The following RARB variants were observed in gnomAD, a reference collection of about 807,000 sequenced individuals.
RARB encodes retinoic acid receptor beta.
A neutral mutation model predicts 51.9 loss-of-function variants in RARB; 17 were observed. The ratio of observed to expected loss-of-function variants is 0.33; its 90% CI spans 0.22 to 0.49. The LOEUF is 0.49. RARB is among the 20% of genes least tolerant of loss of function. RARB has a pLI of 0.99. For missense variants in RARB, 369 were observed against 550.8 expected, an observed-to-expected ratio of 0.67 and a Z score of 3.30; for synonymous variants, 215 against 195.4, an observed-to-expected ratio of 1.10 and a Z score of -0.84.
At chr3:25,506,580 C>T (rs898578616) in intron 3 of RARB, among the ~76,000 whole-genome samples, 3 of 152,216 alleles carry the variant, frequency 2.0e-5, no homozygotes, top group South Asian at 4.2e-4. Context: ...CATGCCACTT[C>T]ACTCCAGCCT....
In RARB at chr3:25,442,434, A is replaced by T. The variant is rs117064105; in HGVS notation, c.157+13546A>T. Among the ~76,000 whole-genome samples the T allele has an allele frequency of 8.0e-3, 1,222 of 152,114 alleles. 34 individuals carry two copies. The East Asian group carries it at 0.094, about 12-fold the overall frequency. Reference sequence around the variant, plus strand: ...CAGGCGTGAGCCACCACACCTGGCCAATTTTATTTTATTTTAATTAATTTA... The same window carrying T: ...CAGGCGTGAGCCACCACACCTGGCCTATTTTATTTTATTTTAATTAATTTA... On this transcript the variant is annotated intron_variant, in intron 1 of 7. Transcript: ENST00000330688.
chr3:25,205,433 T>G (rs754524016), intron 5 of RARB, among the ~76,000 whole-genome samples: 1 of 152,150 alleles, frequency 6.6e-6, no homozygotes, highest in Non-Finnish European at 1.5e-5. Context: ...TCCACTGTCC[T>G]GCACCCACTG....
chr3:25,150,489 A>G (rs1025959844), intron 4 of RARB, among the ~76,000 whole-genome samples: 24 of 152,194 alleles, frequency 1.6e-4, no homozygotes, highest in African/African-American at 5.8e-4. Flanking sequence ...GTTCATGTAT[A>G]GACTTCTAAA....
At chr3:24,837,231 G>A (rs2125328579) in intron 1 of RARB, among the ~76,000 whole-genome samples, 1 of 152,230 alleles carries the variant, frequency 6.6e-6, no homozygotes, top group South Asian at 2.1e-4. Flanking sequence ...TGAATAATGT[G>A]GTCATCTGCA....
intron 5 of RARB, among the ~76,000 whole-genome samples, chr3:25,249,090 T>C (rs1702640424): frequency 1.3e-5 from 2 of 152,126 alleles, no homozygotes; most frequent in Non-Finnish European, 2.9e-5. Flanking sequence ...GGTCACTTTA[T>C]GGCATCCTAT....
intron 2 of RARB, among the ~76,000 whole-genome samples, chr3:25,461,710 A>C (rs1219703452): frequency 6.6e-6 from 1 of 152,142 alleles, no homozygotes; most frequent in Non-Finnish European, 1.5e-5. Context: ...CCTGACCAAC[A>C]TGGCAAAACC....
At position 25,591,803 on chromosome 3, in the gene RARB, C is replaced by G. The variant is rs553137046; in HGVS notation, c.787-1700C>G. On this transcript the variant is annotated intron_variant, in intron 5 of 7. Coordinates refer to ENST00000330688, the MANE Select transcript of RARB (RefSeq NM_000965.5). ...TATACAACAGAGGCGCTGCTGCACC[C>G]TCACTCTATAGGATGTCCTGGTGCC... Among the ~76,000 whole-genome samples the G allele has an allele frequency of 1.6e-4, 24 of 152,328 alleles. No homozygotes were observed. The South Asian group carries it at 5.0e-3, about 32-fold the overall frequency.
chr3:25,372,994 A>G (rs924834825), intron 5 of RARB, among the ~76,000 whole-genome samples: 1 of 152,108 alleles, frequency 6.6e-6, no homozygotes, highest in Admixed American at 6.6e-5. Context: ...CAATTTGGTG[A>G]TTAGGAGTGT....
At chr3:25,013,380 G>A (rs573843155) in intron 2 of RARB, among the ~76,000 whole-genome samples, 3 of 152,164 alleles carry the variant, frequency 2.0e-5, no homozygotes, top group South Asian at 4.1e-4. Flanking sequence ...TAGATACCTA[G>A]AAATGTACTT....
intron 3 of RARB, among the ~76,000 whole-genome samples, chr3:25,546,436 G>A (rs960144079): frequency 4.6e-5 from 7 of 152,128 alleles, no homozygotes; most frequent in Non-Finnish European, 1.5e-5. Flanking sequence ...GCCCTGGAGA[G>A]CAGGGAGCGA....
chr3:25,533,779 T>C (rs1699022215), intron 3 of RARB, among the ~76,000 whole-genome samples: 1 of 152,212 alleles, frequency 6.6e-6, no homozygotes, highest in Non-Finnish European at 1.5e-5. Flanking sequence ...GCAGGGACTA[T>C]CTGTATAAAT....
At chr3:25,303,259 G>A (rs1195169144) in intron 5 of RARB, among the ~76,000 whole-genome samples, 1 of 152,168 alleles carries the variant, frequency 6.6e-6, no homozygotes, top group African/African-American at 2.4e-5. Context: ...GACCCAAGAA[G>A]CAAAGAAAAT....
chr3:25,123,984 G>A (rs139537305), intron 3 of RARB, among the ~76,000 whole-genome samples: 1 of 152,276 alleles, frequency 6.6e-6, no homozygotes, highest in East Asian at 1.9e-4. Flanking sequence ...GGAATACTCA[G>A]ATACACCCCT....
intron 5 of RARB, among the ~76,000 whole-genome samples, chr3:25,325,547 C>T (rs904050690): frequency 3.3e-5 from 5 of 150,292 alleles, no homozygotes; most frequent in African/African-American, 1.2e-4. Context: ...AAATACCCCC[C>T]AGGCACTTCA....
chr3:25,320,460 C>G (rs1205921788), intron 5 of RARB, among the ~76,000 whole-genome samples: 2 of 152,272 alleles, frequency 1.3e-5, no homozygotes, highest in East Asian at 3.9e-4. Context: ...CCAGGACATA[C>G]AACCGAAAGT....
intron 1 of RARB, among the ~76,000 whole-genome samples, chr3:25,448,329 A>G (rs1161067879): frequency 6.6e-6 from 1 of 152,214 alleles, no homozygotes; most frequent in East Asian, 1.9e-4. Flanking sequence ...ACATTTTTAA[A>G]AAAGAAATAA....
chr3:25,240,526 A>T (rs1228993727), intron 5 of RARB, among the ~76,000 whole-genome samples: 1 of 151,938 alleles, frequency 6.6e-6, no homozygotes, highest in Non-Finnish European at 1.5e-5. Context: ...GTTTGTTGAT[A>T]GTTTTTTATC....
intron 2 of RARB, among the ~76,000 whole-genome samples, chr3:25,473,108 C>G (rs1695778406): frequency 6.6e-6 from 1 of 152,178 alleles, no homozygotes; most frequent in Non-Finnish European, 1.5e-5. Context: ...CTCTCATTGT[C>G]TTCTTGTCAC....
At chr3:25,325,788 T>C (rs1355279398) in intron 5 of RARB, among the ~76,000 whole-genome samples, 1 of 145,858 alleles carries the variant, frequency 6.9e-6, no homozygotes, top group Non-Finnish European at 1.5e-5. Flanking sequence ...AGTTTGGGGG[T>C]TGTTGGGGGA....
Sources: allele counts gnomAD v4.1 joint callset (sites outside exome capture counted in the v4.1 genomes callset), GRCh38; gene constraint gnomAD v4.1.1; transcripts MANE v1.5; gene names NCBI Gene and HGNC (gene_info 2026-07-23, HGNC 2026-07-21).